Variants in MAD1L1 observed in about 807,000 individuals in gnomAD.
MAD1L1 encodes the protein mitotic spindle assembly checkpoint protein MAD1.
A neutral mutation model predicts 96.9 loss-of-function variants in MAD1L1; 95 were observed. The observed-to-expected ratio is 0.98, with a 90% CI of 0.83 to 1.16. The LOEUF (loss-of-function observed/expected upper bound fraction) is 1.16, where lower values mean the gene tolerates loss of function less well. MAD1L1 is among the 50% of genes most tolerant of loss of function. The pLI, the probability that MAD1L1 is intolerant of heterozygous loss-of-function variation, is 0.00. For synonymous variants in MAD1L1, 473 were observed against 396.6 expected (o/e 1.19, Z -2.29); for missense variants, 1,007 against 954.4 (o/e 1.06, Z -0.73).
chr7:1,896,506 T>C (rs950183298), intron 18 of MAD1L1, among the ~76,000 whole-genome samples: 1 of 152,194 alleles, frequency 6.6e-6, no homozygotes. Flanking sequence ...ACGGTGTTTT[T>C]AAAAAGTGAC....
At chr7:1,934,129 C>T (rs1056621887) in intron 17 of MAD1L1, among the ~76,000 whole-genome samples, 4 of 152,230 alleles carry the variant, frequency 2.6e-5, no homozygotes, top group African/African-American at 9.6e-5. Context: ...GGGGCCTGGA[C>T]GCCCGACCCA....
chr7:2,006,142 C>T (rs905907017), intron 13 of MAD1L1, among the ~76,000 whole-genome samples: 5 of 152,200 alleles, frequency 3.3e-5, no homozygotes, highest in East Asian at 1.9e-4. Flanking sequence ...TGAAAAGACA[C>T]GTGTGGGTGC....
chr7:1,923,290 T>C (rs561218605), intron 17 of MAD1L1, among the ~76,000 whole-genome samples: 1 of 152,340 alleles, frequency 6.6e-6, no homozygotes, highest in Non-Finnish European at 1.5e-5. Context: ...GTGTTTGCCC[T>C]GGTGCTACCC....
intron 10 of MAD1L1, among the ~76,000 whole-genome samples, chr7:2,173,481 G>T (rs922731175): frequency 6.6e-6 from 1 of 152,228 alleles, no homozygotes; most frequent in African/African-American, 2.4e-5. Flanking sequence ...AACAGGAGAA[G>T]GGGTTTTTCA....
rs941779772 is a variant in MAD1L1, at chr7:1,971,321, G to T, written c.1505+9132C>A. On this transcript the variant is annotated intron_variant, in intron 15 of 18. Transcript: ENST00000265854. The stretch of plus-strand genomic sequence containing the variant: ...TGCAGCCAGGCTCCTACAGGCTACA[G>T]TTGGTCTTTCCAGACACACAGAATT... 3.3e-5 allele frequency among the ~76,000 whole-genome samples: 5 copies of T among 152,222 alleles called. No individual in the cohort carries two copies. The East Asian group carries it at 5.8e-4, about 18-fold the overall frequency.
At chr7:1,960,560 G>A (rs1182020970) in intron 15 of MAD1L1, among the ~76,000 whole-genome samples, 1 of 152,124 alleles carries the variant, frequency 6.6e-6, no homozygotes, top group Non-Finnish European at 1.5e-5. Context: ...TACCAAGAAG[G>A]TAACTTATAA....
chr7:2,218,025 A>G lies in MAD1L1; in HGVS notation c.615T>C (p.Asn205=). The change falls in exon 7 of 19, where the codon AAT becomes AAC. Residue 205 remains asparagine, a synonymous_variant. Coordinates refer to ENST00000265854, the MANE Select transcript of MAD1L1 (RefSeq NM_001013836.2). The part of the protein sequence containing the change: ...DLQHKKCQEA[N]QKIQELQASQ... ...TGGCCTGGAGTTCCTGGATTTTCTG[A>G]TTGGCTTCCTGGCATTTTCTATTGA... 1 of 1,613,896 alleles carries G rather than the reference A, an allele frequency of 6.2e-7. No homozygotes were observed. The highest frequency in any genetic ancestry group is 8.5e-7 in the Non-Finnish European group (1 of 1,179,856).
chr7:2,032,043 C>A (rs755050149), intron 12 of MAD1L1, among the ~76,000 whole-genome samples: 1 of 152,244 alleles, frequency 6.6e-6, no homozygotes, highest in African/African-American at 2.4e-5. Flanking sequence ...TCTCCACCGA[C>A]GGGTAACAGG....
At chr7:1,990,652 G>T (rs57216949) in intron 14 of MAD1L1, among the ~76,000 whole-genome samples, 49,276 of 152,266 alleles carry the variant, frequency 0.32, 8,868 homozygotes, top group East Asian at 0.56. Flanking sequence ...CAGAGCAGCT[G>T]TGCTTGGAGG....
intron 18 of MAD1L1, among the ~76,000 whole-genome samples, chr7:1,835,117 CA>C (rs34734787): frequency 0.1 from 14,207 of 137,298 alleles, 1,625 homozygotes; most frequent in African/African-American, 0.3. Context: ...AGGCATTCCT[CA>C]AAAAAAAAAA....
At chr7:1,879,411 C>T (rs1332711512) in intron 18 of MAD1L1, among the ~76,000 whole-genome samples, 1 of 149,270 alleles carries the variant, frequency 6.7e-6, no homozygotes, top group South Asian at 2.1e-4. Flanking sequence ...GCCGAGATCA[C>T]TCCATGGCAC....
At chr7:2,108,854 AG>A (rs1787228673) in intron 11 of MAD1L1, among the ~76,000 whole-genome samples, 2 of 152,198 alleles carry the variant, frequency 1.3e-5, no homozygotes, top group South Asian at 4.1e-4. Flanking sequence ...GGCCTCCAGG[AG>A]CCGGCCCGAT....
At chr7:2,051,882 G>A (rs774528548) in intron 12 of MAD1L1, among the ~76,000 whole-genome samples, 105 of 151,946 alleles carry the variant, frequency 6.9e-4, no homozygotes, top group Non-Finnish European at 1.9e-4. Flanking sequence ...AGCAGGTGCC[G>A]TGTCAGGCTA....
At chr7:1,909,909 G>C (rs1045056477) in intron 17 of MAD1L1, among the ~76,000 whole-genome samples, 5 of 152,300 alleles carry the variant, frequency 3.3e-5, no homozygotes, top group Middle Eastern at 3.4e-3. Context: ...TACACACGGA[G>C]GAGCCGCTCC....
At chr7:1,985,248 TGGA>T (rs1430063689) in intron 14 of MAD1L1, among the ~76,000 whole-genome samples, 1 of 152,214 alleles carries the variant, frequency 6.6e-6, no homozygotes, top group East Asian at 1.9e-4. Flanking sequence ...AAATGAAAAC[TGGA>T]GGAGGCGACC....
intron 18 of MAD1L1, among the ~76,000 whole-genome samples, chr7:1,856,268 G>A (rs985931725): frequency 5.9e-5 from 9 of 152,174 alleles, no homozygotes; most frequent in Non-Finnish European, 1.2e-4. Context: ...CGGGTTGGGC[G>A]CAGGGAGAAA....
At chr7:1,842,556 G>C (rs762960448) in intron 18 of MAD1L1, among the ~76,000 whole-genome samples, 2 of 152,278 alleles carry the variant, frequency 1.3e-5, no homozygotes, top group Non-Finnish European at 2.9e-5. Flanking sequence ...CCCCAGGCCT[G>C]TCCCAGGCGA....
intron 10 of MAD1L1, among the ~76,000 whole-genome samples, chr7:2,152,549 C>T (rs550331211): frequency 6.6e-6 from 1 of 152,200 alleles, no homozygotes; most frequent in African/African-American, 2.4e-5. Context: ...CCTTCAAGAA[C>T]GTCACACGGG....
At chr7:2,074,004 A>C (rs1196281346) in intron 11 of MAD1L1, among the ~76,000 whole-genome samples, 1 of 152,094 alleles carries the variant, frequency 6.6e-6, no homozygotes, top group Non-Finnish European at 1.5e-5. Context: ...TAAAAATCCA[A>C]CACCAAGACG....
Sources: allele counts gnomAD v4.1 joint callset (sites outside exome capture counted in the v4.1 genomes callset), GRCh38; gene constraint gnomAD v4.1.1; transcripts MANE v1.5; gene names NCBI Gene and HGNC (gene_info 2026-07-23, HGNC 2026-07-21).